TENM1: variants seen among roughly 807,000 people sequenced by gnomAD.
TENM1 encodes teneurin transmembrane protein 1.
Under a neutral mutation model 174.8 loss-of-function variants are expected in TENM1, and 35 were observed. The observed-to-expected ratio is 0.20, with a 90% CI of 0.15 to 0.27. The LOEUF (loss-of-function observed/expected upper bound fraction) is 0.27. Ranked by LOEUF, TENM1 falls within the 10% of genes least tolerant of loss-of-function variation. The probability of loss-of-function intolerance (pLI) is 1.00; values close to 1 mark genes in which losing one functional copy is unlikely to be tolerated. For synonymous variants in TENM1, 781 were observed against 798.7 expected (o/e 0.98, Z 0.37); for missense variants, 1,633 against 2,130.1 (o/e 0.77, Z 4.59).
chrX:125,050,195 T>A, the TENM1 span, among the ~76,000 whole-genome samples: 1 of 109,199 alleles, frequency 9.2e-6, no homozygotes, highest in African/African-American at 3.4e-5. Context: ...AGTTTTAGGG[T>A]ACATGTGCAC....
At chrX:124,630,409 T>C (rs2050730478) in intron 11 of TENM1, among the ~76,000 whole-genome samples, 1 of 112,324 alleles carries the variant, frequency 8.9e-6, no homozygotes, top group African/African-American at 3.2e-5. Flanking sequence ...AATAAGCTCT[T>C]CTAGTTTTGT....
At chrX:124,839,236 A>G (rs1033902062) in intron 3 of TENM1, among the ~76,000 whole-genome samples, 1 of 111,858 alleles carries the variant, frequency 8.9e-6, no homozygotes, top group African/African-American at 3.2e-5. Context: ...AGTTTTAGTA[A>G]TTTATAGTTA....
chrX:124,986,894 G>A, the TENM1 span, among the ~76,000 whole-genome samples: 3 of 111,282 alleles, frequency 2.7e-5, no homozygotes, highest in Non-Finnish European at 3.8e-5. Context: ...CGCCTGCCTC[G>A]GCCTCCCAAA....
At chrX:124,565,466 G>C in exon 12 of TENM1, 1 of 1,209,514 alleles carries the variant, frequency 8.3e-7, no homozygotes, top group Non-Finnish European at 1.1e-6. Flanking sequence ...AATGACAGGA[G>C]CGTTCCTCAC....
Position 124,761,255 on chromosome X carries a change from G to A in TENM1, c.536-24058C>T, listed in dbSNP as rs192882163. Among the ~76,000 whole-genome samples the A allele has an allele frequency of 5.4e-5, 6 of 110,567 alleles. No homozygotes were observed. The East Asian group carries it at 1.7e-3, about 32-fold the overall frequency. On this transcript the variant is annotated intron_variant, in intron 3 of 31. Transcript: ENST00000422452. ...AGACACATGCACACGTATGTTCACG[G>A]CGGCACTATTCACAATAGCAAAGAC... is the stretch of plus-strand genomic sequence containing the variant.
the TENM1 span, among the ~76,000 whole-genome samples, chrX:125,155,560 C>G: frequency 7.8e-5 from 8 of 102,930 alleles, no homozygotes; most frequent in African/African-American, 3.0e-4. Flanking sequence ...CAGGAGCCCA[C>G]GGAGGCGGGC....
chrX:125,121,146 G>A, the TENM1 span, among the ~76,000 whole-genome samples: 2 of 111,868 alleles, frequency 1.8e-5, no homozygotes, highest in Admixed American at 1.9e-4. Context: ...AAGGTTTATA[G>A]TCAGATTATT....
chrX:124,630,234 A>G (rs2050726504), intron 11 of TENM1, among the ~76,000 whole-genome samples: 1 of 112,515 alleles, frequency 8.9e-6, no homozygotes, highest in Non-Finnish European at 1.9e-5. Flanking sequence ...TTCTTGGTAA[A>G]AAAGAAAAAA....
intron 11 of TENM1, among the ~76,000 whole-genome samples, chrX:124,621,095 C>G (rs2050507204): frequency 8.9e-6 from 1 of 112,007 alleles, no homozygotes; most frequent in Non-Finnish European, 1.9e-5. Context: ...ATCCCTTATT[C>G]GAAATGCTTG....
intron 5 of TENM1, 94 bp downstream of exon 8, chrX:124,704,919 A>C (rs1473991587): frequency 1.5e-6 from 1 of 648,959 alleles, no homozygotes; most frequent in Non-Finnish European, 2.4e-6. Context: ...AAATGTGTAC[A>C]TGCCAGAATC....
intron 5 of TENM1, among the ~76,000 whole-genome samples, chrX:124,679,314 G>A (rs1014817386): frequency 1.3e-4 from 14 of 111,816 alleles, no homozygotes; most frequent in African/African-American, 4.5e-4. Context: ...TACAGCTGTT[G>A]TACTTTACTT....
intron 15 of TENM1, 38 bp from the exon 19 acceptor site, chrX:124,530,021 T>C (rs760503349): frequency 1.7e-6 from 2 of 1,184,654 alleles, no homozygotes; most frequent in Admixed American, 2.5e-5. Context: ...AAAAGCATGT[T>C]GAGACTAGAT....
chrX:124,978,610 T>A, the TENM1 span, among the ~76,000 whole-genome samples: 1 of 111,926 alleles, frequency 8.9e-6, no homozygotes, highest in African/African-American at 3.2e-5. Context: ...TGTCAATTTT[T>A]CTGTCACATT....
chrX:124,423,366 C>T (rs1465357956), intron 23 of TENM1, among the ~76,000 whole-genome samples: 1 of 111,752 alleles, frequency 8.9e-6, no homozygotes, highest in Non-Finnish European at 1.9e-5. Flanking sequence ...TTTTCTTTCA[C>T]TGAGTATTCG....
chrX:124,406,555 A>G (rs770019281), intron 25 of TENM1, 66 bp from the exon 29 acceptor site: 7 of 751,968 alleles, frequency 9.3e-6, no homozygotes, highest in Non-Finnish European at 1.4e-5. Context: ...TTGCAAAATA[A>G]AAATCACTTG....
chrX:124,920,590 T>C (rs2058004572), intron 1 of TENM1, among the ~76,000 whole-genome samples: 1 of 111,662 alleles, frequency 9.0e-6, no homozygotes, highest in African/African-American at 3.2e-5. Flanking sequence ...TATTAGATTC[T>C]CATAAAAAAT....
intron 1 of TENM1, among the ~76,000 whole-genome samples, chrX:124,944,685 A>G (rs183667025): frequency 1.2e-3 from 135 of 108,750 alleles, no homozygotes; most frequent in Middle Eastern, 4.6e-3. Context: ...AGCAAAGAAC[A>G]AAATACAAAA....
At chrX:125,018,588 T>C in the TENM1 span, among the ~76,000 whole-genome samples, 1 of 111,427 alleles carries the variant, frequency 9.0e-6, no homozygotes, top group African/African-American at 3.2e-5. Flanking sequence ...ATAATATTTT[T>C]AAATTTCCTA....
chrX:124,548,382 A>G (rs1337617193), intron 14 of TENM1, among the ~76,000 whole-genome samples: 1 of 111,071 alleles, frequency 9.0e-6, no homozygotes, highest in East Asian at 2.8e-4. Context: ...AGATAAAAAT[A>G]CCCTTTTCCT....
Sources: gnomAD v4.1 joint callset for allele counts (sites outside exome capture counted in the v4.1 genomes callset) on GRCh38, gnomAD v4.1.1 for gene constraint, MANE v1.5 for transcripts, NCBI Gene and HGNC (gene_info 2026-07-23, HGNC 2026-07-21) for gene names.